PREX1: variants seen among roughly 807,000 people sequenced by gnomAD.
PREX1 encodes phosphatidylinositol 3,4,5-trisphosphate-dependent Rac exchanger 1 protein.
PREX1 carries 41 observed loss-of-function variants against 198.3 expected under a neutral mutation model. The ratio of observed to expected loss-of-function variants is 0.21; its 90% CI spans 0.16 to 0.27. The LOEUF (loss-of-function observed/expected upper bound fraction) is 0.27, where lower values mean the gene tolerates loss of function less well. PREX1 is among the 10% of genes least tolerant of loss of function. PREX1 has a pLI of 1.00. For synonymous variants in PREX1, 843 were observed against 887.2 expected (o/e 0.95, Z 0.89); for missense variants, 1,620 against 2,200.7 (o/e 0.74, Z 5.28).
chr20:48,738,985 G>C (rs533892598), intron 3 of PREX1, among the ~76,000 whole-genome samples: 1 of 152,088 alleles, frequency 6.6e-6, no homozygotes. Flanking sequence ...GTGGGGAGAG[G>C]GGGGTTAAAA....
At chr20:48,672,694 G>C (rs1237576614) in intron 14 of PREX1, among the ~76,000 whole-genome samples, 2 of 152,240 alleles carry the variant, frequency 1.3e-5, no homozygotes, top group East Asian at 1.9e-4. Context: ...CTGCTCCCCA[G>C]ATGTGGCCTG....
chr20:48,780,393 G>A (rs2090283280), intron 1 of PREX1, among the ~76,000 whole-genome samples: 1 of 152,114 alleles, frequency 6.6e-6, no homozygotes, highest in Non-Finnish European at 1.5e-5. Flanking sequence ...CAAAGCAGGA[G>A]GACTGCTTGA....
intron 31 of PREX1, 93 bp downstream of exon 31, chr20:48,637,618 T>C: frequency 1.6e-6 from 2 of 1,290,046 alleles, no homozygotes; most frequent in Non-Finnish European, 1.1e-6. Flanking sequence ...AAGCGTTGCC[T>C]CCCCCCGTCC....
At chr20:48,823,445 C>T (rs1161486713) in intron 1 of PREX1, among the ~76,000 whole-genome samples, 2 of 152,316 alleles carry the variant, frequency 1.3e-5, no homozygotes, top group South Asian at 4.1e-4. Flanking sequence ...CTACACTGTG[C>T]CCGTTGGACA....
Position 48,747,225 on chromosome 20 carries a change from C to T in PREX1, c.291+584G>A, listed in dbSNP as rs543172146. On this transcript the variant is annotated intron_variant, in intron 2 of 39. Transcript: ENST00000371941. Reference sequence around the variant, plus strand: ...TTGGACACCAGGACCCTCAGAGCCCCGAGGCCTGAAAGGCAGCTCAGAGAG... The same window carrying T: ...TTGGACACCAGGACCCTCAGAGCCCTGAGGCCTGAAAGGCAGCTCAGAGAG... Among the ~76,000 whole-genome samples the T allele has an allele frequency of 8.5e-5, 13 of 152,326 alleles. No homozygotes were observed. The South Asian group carries it at 2.5e-3, about 29-fold the overall frequency.
At chr20:48,776,146 CCT>C (rs1239215873) in intron 1 of PREX1, among the ~76,000 whole-genome samples, 1 of 152,124 alleles carries the variant, frequency 6.6e-6, no homozygotes, top group Non-Finnish European at 1.5e-5. Context: ...CCCCTCACCC[CCT>C]GAGGCTTATT....
intron 7 of PREX1, among the ~76,000 whole-genome samples, chr20:48,696,117 T>C (rs1290560425): frequency 6.6e-6 from 1 of 152,266 alleles, no homozygotes; most frequent in Non-Finnish European, 1.5e-5. Context: ...TATAGTCTAA[T>C]GAATTTAGTT....
chr20:48,624,422 AG>A lies in PREX1; in HGVS notation c.*1462del, dbSNP rs2089253275. On this transcript the variant is annotated 3_prime_UTR_variant, in exon 40 of 40. Coordinates refer to ENST00000371941, the MANE Select transcript of PREX1 (RefSeq NM_020820.4). ...CTCCTTTGTCTCTGATGCAAGATACAGTGACAAGGCCACTGCCTGCCCTCGT... is the reference window on the plus strand; with the variant it reads ...CTCCTTTGTCTCTGATGCAAGATACATGACAAGGCCACTGCCTGCCCTCGT... The A allele has an allele frequency of 1.3e-5, 2 of 152,666 alleles. No homozygotes were observed. Among genetic ancestry groups the A allele is most frequent in the East Asian group, 1.9e-4 (1 of 5,190 alleles). 9.5% of individuals were successfully genotyped at this position (152,666 alleles called of 1,614,324 possible). A position where few individuals can be genotyped will look rare whatever the true frequency, so the allele number is the denominator to read the frequency against.
chr20:48,699,787 A>G (rs549579490), intron 7 of PREX1, among the ~76,000 whole-genome samples: 8 of 152,286 alleles, frequency 5.3e-5, no homozygotes, highest in Admixed American at 2.0e-4. Context: ...ATTCATCTAG[A>G]CACATATCTG....
intron 1 of PREX1, among the ~76,000 whole-genome samples, chr20:48,822,992 GA>G (rs1275341993): frequency 6.6e-6 from 1 of 150,536 alleles, no homozygotes. Context: ...TTTTAAAACA[GA>G]AAAAAAAATA....
rs566228061 is a variant in PREX1, at chr20:48,827,165, C to A, written c.219+477G>T. On this transcript the variant is annotated intron_variant, in intron 1 of 39. Transcript: ENST00000371941. The surrounding 1 kb of genome is among the most constrained non-coding windows in gnomAD (Gnocchi z 4.1). ...GGGGTTCTGTCAATCCCCGCCCCTC[C>A]TCTGAGCTTCAGGTTTTATCCTACT... Among the ~76,000 whole-genome samples the A allele has an allele frequency of 6.6e-6, 1 of 152,154 alleles. No homozygotes were observed. The highest frequency in any genetic ancestry group is 2.4e-5 in the African/African-American group (1 of 41,448).
intron 5 of PREX1, among the ~76,000 whole-genome samples, chr20:48,721,182 T>C (rs965423213): frequency 7.2e-5 from 11 of 152,222 alleles, no homozygotes; most frequent in African/African-American, 2.7e-4. Flanking sequence ...CAGGGGTATC[T>C]ACCCTGTGCA....
chr20:48,692,795 T>A lies in PREX1; in HGVS notation c.918-5A>T, dbSNP rs1436694359. 2 of 1,611,862 alleles carry A rather than the reference T, an allele frequency of 1.2e-6. No homozygotes were observed. The highest frequency in any genetic ancestry group is 2.2e-5 in the East Asian group (1 of 44,872). On this transcript the variant is annotated splice_polypyrimidine_tract_variant and splice_region_variant and intron_variant, in intron 7 of 39. Coordinates refer to ENST00000371941, the MANE Select transcript of PREX1 (RefSeq NM_020820.4). ...GACTTCTTGCTCCCGGTGACCCTGA[T>A]AGACAGTGAGAAGTCAGTGTCCCCT... is the stretch of plus-strand genomic sequence containing the variant.
At chr20:48,639,704 A>T in intron 30 of PREX1, 62 bp downstream of exon 30, 1 of 1,586,810 alleles carries the variant, frequency 6.3e-7, no homozygotes, top group Non-Finnish European at 8.6e-7. Flanking sequence ...TGATTCTCTC[A>T]GGTTCCACAC....
intron 5 of PREX1, among the ~76,000 whole-genome samples, chr20:48,726,074 C>T (rs1324258576): frequency 6.6e-6 from 1 of 152,160 alleles, no homozygotes; most frequent in Non-Finnish European, 1.5e-5. Flanking sequence ...GGATGTGAGG[C>T]CAGGAGAACC....
chr20:48,747,909 T>C, intron 1 of PREX1, 29 bp from the exon 2 acceptor site: 1 of 1,589,588 alleles, frequency 6.3e-7, no homozygotes, highest in Non-Finnish European at 8.6e-7. Context: ...GAGAGGTGAG[T>C]GTCCGCGTCT....
chr20:48,744,414 C>A (rs561298276), intron 3 of PREX1, among the ~76,000 whole-genome samples: 1 of 152,150 alleles, frequency 6.6e-6, no homozygotes, highest in Admixed American at 6.5e-5. Flanking sequence ...ATCTCGTGCC[C>A]GTGAGGCTAG....
At chr20:48,831,005 G>A (rs2090536083), upstream of PREX1, among the ~76,000 whole-genome samples, 1 of 152,232 alleles carries the variant, frequency 6.6e-6, no homozygotes, top group Non-Finnish European at 1.5e-5. Context: ...TCCAGAGGCA[G>A]TTGGTTCCTG....
rs1212630200 is a variant in PREX1 at position 48,629,432 on chromosome 20, A to G, written c.4766+17T>C. The G allele has an allele frequency of 6.2e-7, 1 of 1,609,106 alleles. No individual in the cohort carries two copies. Among genetic ancestry groups the G allele is most frequent in the Non-Finnish European group, 8.5e-7 (1 of 1,176,782 alleles). On this transcript the variant is annotated intron_variant, in intron 37 of 39. Coordinates refer to ENST00000371941, the MANE Select transcript of PREX1 (RefSeq NM_020820.4). Reference sequence around the variant, plus strand: ...CCAGCCCCTCCCCACACCCCGACTCAGCGGGCAGCAGCTCACCTCTGCATG... The same window carrying G: ...CCAGCCCCTCCCCACACCCCGACTCGGCGGGCAGCAGCTCACCTCTGCATG...
Sources: allele counts gnomAD v4.1 joint callset (sites outside exome capture counted in the v4.1 genomes callset), GRCh38; gene constraint gnomAD v4.1.1; non-coding constraint Gnocchi (gnomAD v3.1); transcripts MANE v1.5; gene names NCBI Gene and HGNC (gene_info 2026-07-23, HGNC 2026-07-21).